The following BMPER variants were observed in gnomAD, a reference collection of about 807,000 sequenced individuals.
BMPER encodes BMP-binding endothelial regulator protein.
Under a neutral mutation model 87.3 loss-of-function variants are expected in BMPER, and 45 were observed. The observed-to-expected ratio is 0.52, with a 90% CI of 0.41 to 0.66. The LOEUF is 0.66. Among genes scored for constraint, BMPER ranks in the 30% least tolerant of loss-of-function variants. The pLI is 0.00. For synonymous variants in BMPER, 326 were observed against 316.2 expected (o/e 1.03, Z -0.33); for missense variants, 784 against 867.5 (o/e 0.90, Z 1.21).
At chr7:34,118,464 T>C (rs1790173546) in intron 13 of BMPER, among the ~76,000 whole-genome samples, 1 of 152,172 alleles carries the variant, frequency 6.6e-6, no homozygotes. Context: ...CCAAAGCTGA[T>C]TCCCTGTGGC....
intron 2 of BMPER, among the ~76,000 whole-genome samples, chr7:33,916,283 T>C (rs7779104): frequency 0.68 from 103,222 of 152,100 alleles, 35,825 homozygotes; most frequent in South Asian, 0.77. Context: ...CTGCTTAACT[T>C]GTGCCAATTT....
intron 2 of BMPER, among the ~76,000 whole-genome samples, chr7:33,921,123 A>G (rs1784220250): frequency 6.6e-6 from 1 of 152,058 alleles, no homozygotes; most frequent in African/African-American, 2.4e-5. Flanking sequence ...TCTCCTCTAG[A>G]TTTTTATTGA....
At chr7:33,948,451 C>A (rs1211743907) in intron 3 of BMPER, among the ~76,000 whole-genome samples, 11 of 152,166 alleles carry the variant, frequency 7.2e-5, no homozygotes, top group Non-Finnish European at 1.5e-4. Context: ...GGTCTTCTGA[C>A]TCCCACTGTC....
intron 14 of BMPER, among the ~76,000 whole-genome samples, chr7:34,148,771 G>A (rs1355232411): frequency 6.6e-6 from 1 of 152,144 alleles, no homozygotes; most frequent in African/African-American, 2.4e-5. Flanking sequence ...GAAAAAACAT[G>A]GGAGACTTCA....
At chr7:33,977,148 G>C (rs1785707994) in intron 6 of BMPER, among the ~76,000 whole-genome samples, 1 of 152,112 alleles carries the variant, frequency 6.6e-6, no homozygotes, top group African/African-American at 2.4e-5. Context: ...TGGGTATGGG[G>C]AGTGTCATAA....
At chr7:34,047,305 G>A (rs2127958256) in intron 7 of BMPER, among the ~76,000 whole-genome samples, 2 of 151,832 alleles carry the variant, frequency 1.3e-5, no homozygotes, top group Middle Eastern at 3.4e-3. Context: ...TTTTGAGACG[G>A]AGTCTTGCTC....
chr7:34,146,268 A>T (rs1239891282), intron 14 of BMPER, among the ~76,000 whole-genome samples: 2 of 152,154 alleles, frequency 1.3e-5, no homozygotes, highest in Non-Finnish European at 2.9e-5. Flanking sequence ...AAAAGGAGAA[A>T]TCTTCCAGAG....
intron 8 of BMPER, among the ~76,000 whole-genome samples, chr7:34,053,058 A>G (rs558839630): frequency 6.6e-6 from 1 of 152,240 alleles, no homozygotes; most frequent in South Asian, 2.1e-4. Flanking sequence ...GATGAAACAT[A>G]TCACACTCCC....
chr7:34,105,244 G>A (rs1251591702), intron 13 of BMPER, among the ~76,000 whole-genome samples: 1 of 152,162 alleles, frequency 6.6e-6, no homozygotes, highest in African/African-American at 2.4e-5. Flanking sequence ...AGCTGTCAGG[G>A]CCATCATGTT....
chr7:34,113,690 G>C (rs1330409470), intron 13 of BMPER, among the ~76,000 whole-genome samples: 1 of 151,972 alleles, frequency 6.6e-6, no homozygotes. Flanking sequence ...CGTGCCACAG[G>C]CTTTGTATAT....
chr7:33,905,841 G>C, intron 1 of BMPER, 95 bp downstream of exon 1: 156 of 583,984 alleles, frequency 2.7e-4, no homozygotes, highest in East Asian at 6.2e-4. Context: ...GGAGGGTGGG[G>C]AGCGCGCACC....
At chr7:34,141,010 G>T (rs973141307) in intron 13 of BMPER, among the ~76,000 whole-genome samples, 1 of 152,170 alleles carries the variant, frequency 6.6e-6, no homozygotes, top group Non-Finnish European at 1.5e-5. Context: ...CTGGGAAAGT[G>T]AAGTAGGAAT....
chr7:34,130,514 C>A (rs576789582), intron 13 of BMPER, among the ~76,000 whole-genome samples: 5 of 152,190 alleles, frequency 3.3e-5, no homozygotes, highest in African/African-American at 1.2e-4. Flanking sequence ...ACTTAGTAGT[C>A]GCTTTATCTG....
Position 34,028,846 on chromosome 7 carries a change from T to G in BMPER, c.577-17460T>G, listed in dbSNP as rs529037218. Reference sequence around the variant, plus strand: ...GTGTCTTTTCTATCTGGCCAACTCCTCCATGTGGAGAGATGGACAGCTAAG... The same window carrying G: ...GTGTCTTTTCTATCTGGCCAACTCCGCCATGTGGAGAGATGGACAGCTAAG... On this transcript the variant is annotated intron_variant, in intron 6 of 14. Coordinates refer to ENST00000649409, the MANE Select transcript of BMPER (RefSeq NM_001365308.1). Among the ~76,000 whole-genome samples, 3 of 151,882 alleles carry G rather than the reference T, an allele frequency of 2.0e-5. No homozygotes were observed. In the South Asian group the frequency reaches 6.3e-4, roughly 32 times the overall value.
intron 2 of BMPER, chr7:33,922,161 T>A (rs552935185): frequency 4.9e-6 from 1 of 204,846 alleles, no homozygotes; most frequent in Non-Finnish European, 1.0e-5. Context: ...GTCATGTTGC[T>A]GGACAGTTTC....
In BMPER at chr7:34,085,991, G is replaced by T; in HGVS notation, c.1644G>T (p.Gly548=). ...QRKPVPELCQ[G]TVKVKLRAHR... ...AGCCAGTGCCTGAACTGTGTCAAGG[G>T]ACAGTCAAGGTAAAGCTCCGGGCCC... The change falls in exon 13 of 15, where the codon GGG becomes GGT. Residue 548 remains glycine (G), a synonymous_variant. Coordinates refer to ENST00000649409, the MANE Select transcript of BMPER (RefSeq NM_001365308.1). 6.2e-7 allele frequency: 1 copy of T among 1,614,104 alleles called. No individual in the cohort carries two copies. Among genetic ancestry groups the T allele is most frequent in the Non-Finnish European group, 8.5e-7 (1 of 1,180,028 alleles).
At chr7:34,051,201 A>G (rs1788139648) in intron 7 of BMPER, among the ~76,000 whole-genome samples, 1 of 152,146 alleles carries the variant, frequency 6.6e-6, no homozygotes, top group Non-Finnish European at 1.5e-5. Context: ...TCCTGACCTA[A>G]TCACCTTTCA....
chr7:33,987,316 G>A (rs564649030), intron 6 of BMPER, among the ~76,000 whole-genome samples: 1 of 152,212 alleles, frequency 6.6e-6, no homozygotes, highest in Middle Eastern at 3.4e-3. Context: ...TGTTTGGTGT[G>A]TGAGCCGCGA....
chr7:34,097,771 A>C (rs962390568), intron 13 of BMPER, among the ~76,000 whole-genome samples: 4 of 152,026 alleles, frequency 2.6e-5, no homozygotes, highest in African/African-American at 2.4e-5. Context: ...AGAGGACTTA[A>C]TTTTCTGAGT....
Sources: allele counts gnomAD v4.1 joint callset (sites outside exome capture counted in the v4.1 genomes callset), GRCh38; gene constraint gnomAD v4.1.1; transcripts MANE v1.5; gene names NCBI Gene and HGNC (gene_info 2026-07-23, HGNC 2026-07-21).